Variants in USP45 observed in about 807,000 individuals in gnomAD.
USP45 encodes the protein ubiquitin specific peptidase 45, also known as ubiquitin carboxyl-terminal hydrolase 45.
Under a neutral mutation model 95.8 loss-of-function variants are expected in USP45, and 89 were observed. That is an observed-to-expected ratio of 0.93 (90% confidence interval 0.78 to 1.11). The LOEUF is 1.11. Ranked by LOEUF, USP45 falls within the 50% of genes least tolerant of loss-of-function variation. The pLI is 0.00. For missense variants in USP45, 898 were observed against 942.5 expected, an observed-to-expected ratio of 0.95 and a Z score of 0.62; for synonymous variants, 281 against 316.2, an observed-to-expected ratio of 0.89 and a Z score of 1.18.
At chr6:99,484,671 G>A (rs556701663) in intron 7 of USP45, among the ~76,000 whole-genome samples, 20 of 151,934 alleles carry the variant, frequency 1.3e-4, no homozygotes, top group African/African-American at 3.9e-4. Flanking sequence ...GTAGTGGCAC[G>A]TGCCTGCAGT....
In USP45 at chr6:99,486,316, T is replaced by G. The variant is rs539548788; in HGVS notation, c.714+1884A>C. On this transcript the variant is annotated intron_variant, in intron 7 of 17. Coordinates refer to ENST00000500704, the MANE Select transcript of USP45 (RefSeq NM_001346022.3). ...CTGTTAGAATGATACAAACCTAAAG[T>G]TATTAACTACAGTATCTAATTGCCA... Among the ~76,000 whole-genome samples, 85 of 152,236 alleles carry G rather than the reference T, an allele frequency of 5.6e-4. 1 individual carries two copies. Among genetic ancestry groups the G allele is most frequent in the African/African-American group, 1.9e-3 (79 of 41,558 alleles).
At chr6:99,507,299 A>G (rs1798763391) in intron 4 of USP45, 129 bp downstream of exon 4, 2 of 521,244 alleles carry the variant, frequency 3.8e-6, no homozygotes, top group South Asian at 7.0e-5. Context: ...TATCCCATAG[A>G]TTGTGTTCAG....
chr6:99,440,156 CAT>C (rs532681700), intron 15 of USP45, among the ~76,000 whole-genome samples: 1 of 152,158 alleles, frequency 6.6e-6, no homozygotes, highest in African/African-American at 2.4e-5. Context: ...GCTACTGACA[CAT>C]ATGCTATCAT....
chr6:99,476,143 CT>C lies in USP45; in HGVS notation c.932del (p.Lys311SerfsTer8). Reference protein sequence around the residue: ...LLDAVRTEETKRIQASILKAF... With the variant: ...LLDAVRTEETXRIQASILKAF... The stretch of plus-strand genomic sequence containing the variant: ...CATGATATACATAAAGAAACCTGAC[CT>C]TTGTTTCTTCTGTCCTCACTGCATC... On this transcript the variant is annotated frameshift_variant and splice_region_variant, in exon 9 of 18. Transcript: ENST00000500704. LOFTEE classifies it high-confidence loss of function. 6.2e-7 allele frequency: 1 copy of C among 1,612,464 alleles called. No individual in the cohort carries two copies. Among genetic ancestry groups the C allele is most frequent in the Non-Finnish European group, 8.5e-7 (1 of 1,179,054 alleles).
Position 99,435,796 on chromosome 6 carries a change from C to A in USP45, c.2365G>T (p.Asp789Tyr). The A allele has an allele frequency of 6.2e-7, 1 of 1,613,620 alleles. No individual in the cohort carries two copies. The highest frequency in any genetic ancestry group is 8.5e-7 in the Non-Finnish European group (1 of 1,179,586). ...ESAGQWVHVS[D>Y]TYLQVVPESR... ...TCTGGAACCACCTGTAAGTAAGTGT[C>A]ACTAACATGGACCCACTGGCCTGCT... is the stretch of plus-strand genomic sequence containing the variant. Residue 789 changes from aspartate (D) to tyrosine (Y), a missense_variant, in exon 18 of 18, where the codon GAC (aspartate) becomes TAC (tyrosine). Coordinates refer to ENST00000500704, the MANE Select transcript of USP45 (RefSeq NM_001346022.3).
chr6:99,460,762 A>T, intron 13 of USP45: 1 of 983,960 alleles, frequency 1.0e-6, no homozygotes, highest in Non-Finnish European at 1.2e-6. Flanking sequence ...GATTTTCTGA[A>T]TATAACCCCA....
At position 99,439,812 on chromosome 6, in the gene USP45, G is replaced by A; in HGVS notation, c.2117C>T (p.Pro706Leu). The A allele has an allele frequency of 1.9e-6, 3 of 1,607,846 alleles. No individual in the cohort carries two copies. The highest frequency in any genetic ancestry group is 1.3e-5 in the African/African-American group (1 of 74,874). The part of the protein sequence containing the change: ...LRKVNRHVDF[P>L]LMLDLAPFCS... Reference sequence around the variant, plus strand: ...GAATGGTGCTAAATCGAGCATAAGTGGAAAATCTACATGTCTGTTTACTTT... The same window carrying A: ...GAATGGTGCTAAATCGAGCATAAGTAGAAAATCTACATGTCTGTTTACTTT... Residue 706 changes from proline (P) to leucine (L), a missense_variant, in exon 16 of 18, where the codon CCA becomes CTA. Transcript: ENST00000500704.
intron 8 of USP45, 47 bp downstream of exon 8, chr6:99,482,706 G>A: frequency 6.6e-7 from 1 of 1,523,964 alleles, no homozygotes; most frequent in Non-Finnish European, 8.8e-7. Flanking sequence ...GAATACATTA[G>A]TATTTTGTAA....
chr6:99,454,732 G>C (rs1446583817), intron 13 of USP45, among the ~76,000 whole-genome samples: 1 of 152,210 alleles, frequency 6.6e-6, no homozygotes, highest in Non-Finnish European at 1.5e-5. Context: ...CTTCAAGAAT[G>C]TGGAGAAAAG....
chr6:99,497,867 C>T (rs778460842), intron 5 of USP45, among the ~76,000 whole-genome samples: 33 of 152,286 alleles, frequency 2.2e-4, no homozygotes, highest in Non-Finnish European at 3.1e-4. Flanking sequence ...ATCGAGCTCT[C>T]GTCAATGAGC....
In USP45 at chr6:99,482,848, T is replaced by G. The variant is rs765187487; in HGVS notation, c.750A>C (p.Pro250=). The G allele has an allele frequency of 1.4e-5, 23 of 1,597,120 alleles. No homozygotes were observed. The highest frequency in any genetic ancestry group is 2.0e-5 in the Non-Finnish European group (23 of 1,171,640). The change falls in exon 8 of 18, where the codon CCA becomes CCC. Residue 250 remains proline (P), a synonymous_variant. Coordinates refer to ENST00000500704, the MANE Select transcript of USP45 (RefSeq NM_001346022.3). The part of the protein sequence containing the change: ...PLVVELSRPG[P]LTSALFLFLH... Reference sequence around the variant, plus strand: ...GAAACAGGAACAAGGCTGAGGTCAGTGGTCCAGGCCTTGAAAGTTCCACCA... The same window carrying G: ...GAAACAGGAACAAGGCTGAGGTCAGGGGTCCAGGCCTTGAAAGTTCCACCA...
chr6:99,505,013 G>A (rs1798199235), intron 4 of USP45, among the ~76,000 whole-genome samples: 1 of 152,062 alleles, frequency 6.6e-6, no homozygotes, highest in African/African-American at 2.4e-5. Context: ...GATGGGTATA[G>A]GTAAATTCAT....
intron 13 of USP45, chr6:99,462,007 T>G (rs1786560756): frequency 1.0e-6 from 1 of 984,996 alleles, no homozygotes; most frequent in Non-Finnish European, 1.2e-6. Context: ...CTGAAATACA[T>G]TTATGTCATT....
At chr6:99,449,458 G>A (rs542002501) in intron 13 of USP45, among the ~76,000 whole-genome samples, 61 of 152,306 alleles carry the variant, frequency 4.0e-4, no homozygotes, top group African/African-American at 8.9e-4. Context: ...AATTCAACAA[G>A]AAGAGCTAAC....
intron 9 of USP45, 129 bp from the exon 10 acceptor site, chr6:99,468,747 C>A: frequency 1.8e-6 from 1 of 548,784 alleles, no homozygotes; most frequent in Non-Finnish European, 3.1e-6. Context: ...ATAAAATGAC[C>A]AAATTTTTTA....
chr6:99,474,099 T>G (rs751955436), intron 9 of USP45, among the ~76,000 whole-genome samples: 8 of 152,202 alleles, frequency 5.3e-5, no homozygotes, highest in Non-Finnish European at 1.0e-4. Context: ...ATCCTTACTT[T>G]TAAAGGAAAC....
chr6:99,478,646 C>T (rs1477363296), intron 8 of USP45, among the ~76,000 whole-genome samples: 1 of 152,008 alleles, frequency 6.6e-6, no homozygotes, highest in East Asian at 1.9e-4. Context: ...AAAATGTGGT[C>T]CATATACACC....
At chr6:99,506,453 C>T (rs928405402) in intron 4 of USP45, among the ~76,000 whole-genome samples, 1 of 152,172 alleles carries the variant, frequency 6.6e-6, no homozygotes, top group African/African-American at 2.4e-5. Context: ...GGACTACAGG[C>T]GTGCGCCACC....
intron 5 of USP45, among the ~76,000 whole-genome samples, chr6:99,499,400 T>C (rs1796946518): frequency 6.6e-6 from 1 of 152,136 alleles, no homozygotes; most frequent in Admixed American, 6.6e-5. Context: ...CAATAAAAAC[T>C]TTCATATTTG....
Sources: gnomAD v4.1 joint callset for allele counts (sites outside exome capture counted in the v4.1 genomes callset) on GRCh38, gnomAD v4.1.1 for gene constraint, MANE v1.5 for transcripts, NCBI Gene and HGNC (gene_info 2026-07-23, HGNC 2026-07-21) for gene names.